SLC8A3: variants seen among roughly 807,000 people sequenced by gnomAD.
SLC8A3 encodes sodium/calcium exchanger 3.
A neutral mutation model predicts 65.4 loss-of-function variants in SLC8A3; 37 were observed. The ratio of observed to expected loss-of-function variants is 0.57; its 90% CI spans 0.44 to 0.74. The LOEUF (loss-of-function observed/expected upper bound fraction) is 0.74, where lower values mean the gene tolerates loss of function less well. SLC8A3 is among the 30% of genes least tolerant of loss of function. The pLI, the probability that SLC8A3 is intolerant of heterozygous loss-of-function variation, is 0.00. For synonymous variants in SLC8A3, 461 were observed against 444.5 expected (o/e 1.04, Z -0.47); for missense variants, 1,112 against 1,172.1 (o/e 0.95, Z 0.75).
rs533117349 is a variant in SLC8A3, at chr14:70,048,861, G to C, written c.2295C>G (p.Ile765Met). The C allele has an allele frequency of 1.2e-6, 2 of 1,614,172 alleles. No individual in the cohort carries two copies. The highest frequency in any genetic ancestry group is 1.1e-5 in the South Asian group (1 of 91,050). The change falls in exon 6 of 7, where the codon ATC becomes ATG. Residue 765 changes from isoleucine to methionine, a missense_variant. Coordinates refer to ENST00000356921, the MANE Select transcript of SLC8A3 (RefSeq NM_182932.3). The part of the protein sequence containing the change: ...SILIIGMLTA[I>M]IGDLASHFGC... ...CGAAGTGCGAGGCCAGGTCCCCAAT[G>C]ATGGCGGTGAGCATGCCAATGATGA...
intron 2 of SLC8A3, among the ~76,000 whole-genome samples, chr14:70,094,972 CAG>C (rs1312619073): frequency 6.6e-6 from 1 of 152,198 alleles, no homozygotes; most frequent in African/African-American, 2.4e-5. Context: ...GAATCAGACA[CAG>C]AGCTGTGTCC....
chr14:70,170,846 G>C (rs565334431), intron 1 of SLC8A3, among the ~76,000 whole-genome samples: 15 of 152,278 alleles, frequency 9.9e-5, no homozygotes, highest in African/African-American at 3.6e-4. Flanking sequence ...CCAGGTGCTG[G>C]GGGCATCACA....
chr14:70,161,120 G>GGT (rs1896858067), intron 2 of SLC8A3, among the ~76,000 whole-genome samples: 1 of 141,248 alleles, frequency 7.1e-6, no homozygotes, highest in South Asian at 2.2e-4. Flanking sequence ...CGGACGTGGT[G>GGT]GTATATATAT....
At chr14:70,134,695 A>G (rs1204651804) in intron 2 of SLC8A3, among the ~76,000 whole-genome samples, 1 of 152,072 alleles carries the variant, frequency 6.6e-6, no homozygotes, top group Non-Finnish European at 1.5e-5. Context: ...TTAGTCTCCA[A>G]CTTCCATCCT....
At chr14:70,183,410 T>C (rs925510082) in intron 1 of SLC8A3, among the ~76,000 whole-genome samples, 1 of 152,238 alleles carries the variant, frequency 6.6e-6, no homozygotes, top group Non-Finnish European at 1.5e-5. Flanking sequence ...ATAGTCTCCA[T>C]GGACCTAAAT....
At chr14:70,147,518 T>C (rs1594759023) in intron 2 of SLC8A3, among the ~76,000 whole-genome samples, 2 of 152,268 alleles carry the variant, frequency 1.3e-5, no homozygotes, top group African/African-American at 4.8e-5. Flanking sequence ...TACATGGCAA[T>C]GGTGAAGGTA....
chr14:70,117,253 G>A (rs1173307923), intron 2 of SLC8A3, among the ~76,000 whole-genome samples: 1 of 152,220 alleles, frequency 6.6e-6, no homozygotes, highest in African/African-American at 2.4e-5. Context: ...CTCATGGGGT[G>A]GAGTGGGAAG....
chr14:70,088,339 A>G (rs1331483065), intron 2 of SLC8A3, among the ~76,000 whole-genome samples: 1 of 152,180 alleles, frequency 6.6e-6, no homozygotes, highest in African/African-American at 2.4e-5. Context: ...GCCAGTGCCC[A>G]CCAGTCTCCT....
chr14:70,139,176 A>G (rs1206416202), intron 2 of SLC8A3, among the ~76,000 whole-genome samples: 4 of 152,096 alleles, frequency 2.6e-5, no homozygotes, highest in Non-Finnish European at 5.9e-5. Context: ...CAGTCTATAA[A>G]ATAGAGGAGA....
chr14:70,079,960 C>T (rs940254491), intron 2 of SLC8A3: 4 of 362,686 alleles, frequency 1.1e-5, no homozygotes, highest in South Asian at 1.1e-4. Flanking sequence ...GGCCAAATCT[C>T]TTACCTCTTT....
At position 70,081,860 on chromosome 14, in the gene SLC8A3, A is replaced by G. The variant is rs184137456; in HGVS notation, c.1785-20921T>C. ...AAGGGTTGAAAGAACAGTATGAAAA[A>G]TGAAGGAGATTCTGAAGGTGCTGTT... On this transcript the variant is annotated intron_variant, in intron 2 of 6. Transcript: ENST00000356921. Among the ~76,000 whole-genome samples, 76 of 152,358 alleles carry G rather than the reference A, an allele frequency of 5.0e-4. 1 individual carries two copies. The highest frequency in any genetic ancestry group is 2.9e-4 in the Non-Finnish European group (20 of 68,032).
chr14:70,068,272 A>G (rs1229469302), intron 2 of SLC8A3, among the ~76,000 whole-genome samples: 3 of 152,212 alleles, frequency 2.0e-5, no homozygotes, highest in Non-Finnish European at 4.4e-5. Context: ...TGATTAATAC[A>G]TTGGAGGAGG....
chr14:70,098,926 T>C (rs981767261), intron 2 of SLC8A3, among the ~76,000 whole-genome samples: 2 of 152,174 alleles, frequency 1.3e-5, no homozygotes, highest in African/African-American at 4.8e-5. Context: ...TTCTACTCCT[T>C]TGAGGAGGCA....
chr14:70,137,095 T>C (rs1405555879), intron 2 of SLC8A3, among the ~76,000 whole-genome samples: 1 of 152,074 alleles, frequency 6.6e-6, no homozygotes, highest in Admixed American at 6.6e-5. Context: ...TAAAAACACA[T>C]GCTTTTTTTC....
chr14:70,057,294 G>GTAGATAGATAGATAGATAGGTAGATAGA (rs1888241602), intron 3 of SLC8A3, among the ~76,000 whole-genome samples: 8 of 149,464 alleles, frequency 5.4e-5, no homozygotes, highest in Non-Finnish European at 1.0e-4. Flanking sequence ...AGGCAGATAG[G>GTAGATAGATAGATAGATAGGTAGATAGA]TAGATAGATA....
chr14:70,164,324 A>G (rs1897047899), intron 2 of SLC8A3, among the ~76,000 whole-genome samples: 1 of 152,214 alleles, frequency 6.6e-6, no homozygotes, highest in Non-Finnish European at 1.5e-5. Context: ...ATTGCAATTT[A>G]AAATATCAAG....
In SLC8A3 at chr14:70,171,392, A is replaced by T. The variant is rs145913779; in HGVS notation, c.-62-2908T>A. ...TCTTTGTTTTCCTTTGGCCCTGTAG[A>T]CGCTTTGTGGCAACAGGTTTTTCTG... On this transcript the variant is annotated intron_variant, in intron 1 of 6. Transcript: ENST00000356921. 3.7e-3 allele frequency among the ~76,000 whole-genome samples: 568 copies of T among 152,320 alleles called. 3 individuals carry two copies. The highest frequency in any genetic ancestry group is 0.013 in the African/African-American group (529 of 41,572).
chr14:70,149,727 A>G (rs1313319317), intron 2 of SLC8A3, among the ~76,000 whole-genome samples: 1 of 152,212 alleles, frequency 6.6e-6, no homozygotes, highest in Non-Finnish European at 1.5e-5. Context: ...CCTTGAGACC[A>G]GAAAGACTTT....
At chr14:70,147,508 T>C (rs1895999842) in intron 2 of SLC8A3, among the ~76,000 whole-genome samples, 1 of 152,204 alleles carries the variant, frequency 6.6e-6, no homozygotes, top group East Asian at 1.9e-4. Context: ...ATGATTATGT[T>C]ACATGGCAAT....
Sources: allele counts gnomAD v4.1 joint callset (sites outside exome capture counted in the v4.1 genomes callset), GRCh38; gene constraint gnomAD v4.1.1; transcripts MANE v1.5; gene names NCBI Gene and HGNC (gene_info 2026-07-23, HGNC 2026-07-21).